ZNF521: variants seen among roughly 807,000 people sequenced by gnomAD.
ZNF521 encodes the protein zinc finger protein 521.
ZNF521 carries 14 observed loss-of-function variants against 105.5 expected under a neutral mutation model. The observed-to-expected ratio is 0.13, with a 90% CI of 0.09 to 0.21. ZNF521 has a LOEUF of 0.21. Among genes scored for constraint, ZNF521 ranks in the 10% least tolerant of loss-of-function variants. The pLI, the probability that ZNF521 is intolerant of heterozygous loss-of-function variation, is 1.00. For missense variants in ZNF521, 1,233 were observed against 1,629.7 expected (o/e 0.76, Z 4.19); for synonymous variants, 635 against 606.0 (o/e 1.05, Z -0.70).
At chr18:25,086,703 T>C (rs2033630805) in intron 7 of ZNF521, among the ~76,000 whole-genome samples, 1 of 152,160 alleles carries the variant, frequency 6.6e-6, no homozygotes. Context: ...AGCAAATATA[T>C]ATAATTTAGA....
chr18:25,136,239 A>G (rs2031967058), intron 5 of ZNF521, among the ~76,000 whole-genome samples: 1 of 152,320 alleles, frequency 6.6e-6, no homozygotes, highest in Non-Finnish European at 1.5e-5. Context: ...TATTATGTTC[A>G]TGCCAATTTG....
intron 3 of ZNF521, among the ~76,000 whole-genome samples, chr18:25,300,421 G>C (rs1000893501): frequency 6.6e-6 from 1 of 152,094 alleles, no homozygotes; most frequent in Non-Finnish European, 1.5e-5. Context: ...ATACACACTC[G>C]ATGACAATAT....
intron 4 of ZNF521, among the ~76,000 whole-genome samples, chr18:25,203,723 C>T (rs1181563271): frequency 6.6e-6 from 1 of 151,910 alleles, no homozygotes; most frequent in East Asian, 1.9e-4. Context: ...ACTGACTAGA[C>T]AAGAAAAGGA....
At chr18:25,263,777 CG>C (rs1453950080) in intron 3 of ZNF521, among the ~76,000 whole-genome samples, 1 of 152,054 alleles carries the variant, frequency 6.6e-6, no homozygotes, top group East Asian at 1.9e-4. Flanking sequence ...GAGGTTTCAC[CG>C]TGTTAACCAG....
rs575228812 is a variant in ZNF521 at position 25,234,333 on chromosome 18, T to C, written c.221-6636A>G. ...GTGGATTTCCTGAGTCTGTATTCTTTTTATTCTCTACTATTTTGAGTTAGA... is the reference window on the plus strand; with the variant it reads ...GTGGATTTCCTGAGTCTGTATTCTTCTTATTCTCTACTATTTTGAGTTAGA... On this transcript the variant is annotated intron_variant, in intron 3 of 7. Coordinates refer to ENST00000361524, the MANE Select transcript of ZNF521 (RefSeq NM_015461.3). Among the ~76,000 whole-genome samples, 129 of 152,302 alleles carry C rather than the reference T, an allele frequency of 8.5e-4. 1 individual carries two copies. Among genetic ancestry groups the C allele is most frequent in the Middle Eastern group, 6.8e-3 (2 of 294 alleles).
intron 3 of ZNF521, among the ~76,000 whole-genome samples, chr18:25,267,517 A>G (rs1274243933): frequency 6.6e-6 from 1 of 152,134 alleles, no homozygotes; most frequent in East Asian, 1.9e-4. Flanking sequence ...CAGACACCTC[A>G]TACAGGAGAG....
chr18:25,347,650 G>A (rs1405324438), intron 2 of ZNF521, among the ~76,000 whole-genome samples: 11 of 152,132 alleles, frequency 7.2e-5, no homozygotes, highest in Non-Finnish European at 1.6e-4. Context: ...ACTTTTTCAA[G>A]TAAACATAAT....
At chr18:25,091,874 G>A (rs1192086268) in intron 6 of ZNF521, 76 bp downstream of exon 6, 1 of 1,547,952 alleles carries the variant, frequency 6.5e-7, no homozygotes, top group African/African-American at 1.4e-5. Context: ...CATAGCAGTG[G>A]GAAGTAATGC....
At chr18:25,184,481 T>C (rs1249140967) in intron 5 of ZNF521, among the ~76,000 whole-genome samples, 1 of 152,192 alleles carries the variant, frequency 6.6e-6, no homozygotes, top group Non-Finnish European at 1.5e-5. Context: ...TGTGGTGACT[T>C]ACTAAATTCA....
At chr18:25,103,198 C>T (rs1160690958) in intron 5 of ZNF521, among the ~76,000 whole-genome samples, 2 of 152,080 alleles carry the variant, frequency 1.3e-5, no homozygotes, top group African/African-American at 2.4e-5. Context: ...AGGTAAAGCA[C>T]TTGGGTCTGA....
chr18:25,115,883 A>G (rs2034291485), intron 5 of ZNF521, among the ~76,000 whole-genome samples: 1 of 152,202 alleles, frequency 6.6e-6, no homozygotes, highest in Admixed American at 6.5e-5. Context: ...GAGTTTACAA[A>G]GAGCTTGACC....
chr18:25,202,601 T>C (rs2036011977), intron 4 of ZNF521: 1 of 152,174 alleles, frequency 6.6e-6, no homozygotes, highest in African/African-American at 2.4e-5. Context: ...AAAGCTGTTT[T>C]CAAGGACTAT....
chr18:25,229,371 G>A (rs919017257), intron 3 of ZNF521, among the ~76,000 whole-genome samples: 4 of 152,068 alleles, frequency 2.6e-5, no homozygotes, highest in Non-Finnish European at 4.4e-5. Flanking sequence ...ACAAAGCTTC[G>A]CCATACAAGT....
chr18:25,248,427 A>C (rs1401011860), intron 3 of ZNF521, among the ~76,000 whole-genome samples: 1 of 152,218 alleles, frequency 6.6e-6, no homozygotes, highest in Non-Finnish European at 1.5e-5. Context: ...GCAACACTGA[A>C]TGTATATTAT....
intron 3 of ZNF521, among the ~76,000 whole-genome samples, chr18:25,292,123 A>ACTTG (rs1911066117): frequency 6.6e-6 from 1 of 152,174 alleles, no homozygotes. Flanking sequence ...GCCCTGGAAA[A>ACTTG]CACAGGGCAA....
At chr18:25,316,433 G>A (rs1412954482) in intron 3 of ZNF521, among the ~76,000 whole-genome samples, 7 of 112,886 alleles carry the variant, frequency 6.2e-5, no homozygotes, top group Non-Finnish European at 1.0e-4. Flanking sequence ...TCAGCCAGGG[G>A]TGGGGGGTGG....
intron 5 of ZNF521, among the ~76,000 whole-genome samples, chr18:25,104,065 CGAT>C (rs892864169): frequency 3.2e-4 from 49 of 151,856 alleles, no homozygotes; most frequent in African/African-American, 1.1e-3. Context: ...GCTCTTTCTC[CGAT>C]GATAATTCCT....
rs549088731 is a variant in ZNF521, at chr18:25,295,149, G to A, written c.220+26859C>T. On this transcript the variant is annotated intron_variant, in intron 3 of 7. Coordinates refer to ENST00000361524, the MANE Select transcript of ZNF521 (RefSeq NM_015461.3). Reference sequence around the variant, plus strand: ...AAAGGTAAGCACTAACCTGACCTTTGTGATAGTGATTTTCCATTCTTTTAT... The same window carrying A: ...AAAGGTAAGCACTAACCTGACCTTTATGATAGTGATTTTCCATTCTTTTAT... 5.9e-5 allele frequency among the ~76,000 whole-genome samples: 9 copies of A among 152,168 alleles called. No individual in the cohort carries two copies. The South Asian group carries it at 1.2e-3, about 21-fold the overall frequency.
chr18:25,330,311 G>A (rs1913495985), intron 2 of ZNF521, among the ~76,000 whole-genome samples: 4 of 152,118 alleles, frequency 2.6e-5, no homozygotes, highest in South Asian at 4.2e-4. Context: ...CTACAGGCCC[G>A]TGCCACCATG....
Sources: allele counts gnomAD v4.1 joint callset (sites outside exome capture counted in the v4.1 genomes callset), GRCh38; gene constraint gnomAD v4.1.1; transcripts MANE v1.5; gene names NCBI Gene and HGNC (gene_info 2026-07-23, HGNC 2026-07-21).